GPRIN3: variants seen among roughly 807,000 people sequenced by gnomAD.
GPRIN3 encodes the protein G protein-regulated inducer of neurite outgrowth 3.
Under a neutral mutation model 13.7 loss-of-function variants are expected in GPRIN3, and 12 were observed. The ratio of observed to expected loss-of-function variants is 0.87; its 90% CI spans 0.56 to 1.42. The LOEUF is 1.42. Ranked by LOEUF, GPRIN3 falls within the 40% of genes most tolerant of loss-of-function variation. GPRIN3 has a pLI of 0.00. For missense variants in GPRIN3, 1,009 were observed against 958.7 expected (o/e 1.05, Z -0.69); for synonymous variants, 377 against 372.7 (o/e 1.01, Z -0.13).
chr4:89,267,221 G>C (rs547270137), intron 1 of GPRIN3, among the ~76,000 whole-genome samples: 11 of 152,244 alleles, frequency 7.2e-5, no homozygotes, highest in Admixed American at 6.5e-4. Context: ...TATAATCCTT[G>C]TTAAAACTTC....
At chr4:89,253,872 G>T (rs1032875453) in intron 1 of GPRIN3, among the ~76,000 whole-genome samples, 122 of 152,246 alleles carry the variant, frequency 8.0e-4, no homozygotes, top group African/African-American at 2.8e-3. Context: ...GAGCCCAGAA[G>T]AGACTCGCCG....
chr4:89,276,924 A>G (rs990703635), intron 1 of GPRIN3, among the ~76,000 whole-genome samples: 3 of 152,246 alleles, frequency 2.0e-5, no homozygotes, highest in Non-Finnish European at 2.9e-5. Flanking sequence ...CAATGAAATG[A>G]AAGCTCATAA....
At chr4:89,288,836 C>T (rs1724495007) in intron 1 of GPRIN3, among the ~76,000 whole-genome samples, 1 of 152,162 alleles carries the variant, frequency 6.6e-6, no homozygotes, top group Admixed American at 6.5e-5. Context: ...ATAGCTCCTC[C>T]TGTGTATAAG....
intron 1 of GPRIN3, among the ~76,000 whole-genome samples, chr4:89,290,793 G>A (rs1380357725): frequency 1.3e-5 from 2 of 152,100 alleles, no homozygotes; most frequent in African/African-American, 2.4e-5. Flanking sequence ...AACAATATTG[G>A]AATAAATAAT....
intron 1 of GPRIN3, among the ~76,000 whole-genome samples, chr4:89,288,960 C>T (rs900501324): frequency 4.6e-5 from 7 of 152,052 alleles, no homozygotes; most frequent in African/African-American, 1.7e-4. Flanking sequence ...CTACCTTGCA[C>T]TCACGGCATC....
chr4:89,260,500 C>T (rs750267059), intron 1 of GPRIN3, among the ~76,000 whole-genome samples: 9 of 152,108 alleles, frequency 5.9e-5, no homozygotes, highest in Non-Finnish European at 8.8e-5. Context: ...TTAGGCATCG[C>T]GAGTACATAA....
Position 89,250,022 on chromosome 4 carries a change from G to A in GPRIN3, c.89C>T (p.Ala30Val), listed in dbSNP as rs765187485. Residue 30 changes from alanine (A) to valine (V), a missense_variant, in exon 2 of 2, where the codon GCT becomes GTT. By Grantham distance (64) the Ala-to-Val change is moderately conservative. Coordinates refer to ENST00000609438, the MANE Select transcript of GPRIN3 (RefSeq NM_198281.3). The stretch of plus-strand genomic sequence containing the variant: ...AGCTGGTCGATGCCGAGGTGAGGCA[G>A]CCTGTGGCTCTCCTAGATCGTCTTC... ...GKEDDLGEPQ[A>V]ASPRHRPALL... 1 of 1,614,198 alleles carries A rather than the reference G, an allele frequency of 6.2e-7. No homozygotes were observed. Among genetic ancestry groups the A allele is most frequent in the Non-Finnish European group, 8.5e-7 (1 of 1,179,998 alleles).
In GPRIN3 at chr4:89,276,667, G is replaced by A. The variant is rs114440356; in HGVS notation, c.-123-26434C>T. Among the ~76,000 whole-genome samples the A allele has an allele frequency of 7.2e-3, 1,092 of 152,346 alleles. 11 individuals carry two copies. The highest frequency in any genetic ancestry group is 0.022 in the African/African-American group (933 of 41,588). On this transcript the variant is annotated intron_variant, in intron 1 of 1. Coordinates refer to ENST00000609438, the MANE Select transcript of GPRIN3 (RefSeq NM_198281.3). ...AAACCATTAAGAAATGAAGGAAGAA[G>A]CTAGAGACTATTATTCTTGTCAGGC...
At position 89,248,339 on chromosome 4, in the gene GPRIN3, C is replaced by T. The variant is rs374260930; in HGVS notation, c.1772G>A (p.Ser591Asn). Residue 591 changes from serine (S) to asparagine (N), a missense_variant, in exon 2 of 2, where the codon AGC (serine) becomes AAC (asparagine). Physicochemically the swap from Ser to Asn is conservative, Grantham distance 46. Transcript: ENST00000609438. Reference sequence around the variant, plus strand: ...GGTCTGTCTGTTTTCTTCTAAGGTGCTCTCCTGGTTCTTCCTAATTGGGGA... The same window carrying T: ...GGTCTGTCTGTTTTCTTCTAAGGTGTTCTCCTGGTTCTTCCTAATTGGGGA... ...TPSPIRKNQE[S>N]TLEENRQTKT... 6.2e-6 allele frequency: 10 copies of T among 1,614,138 alleles called. No individual in the cohort carries two copies. The highest frequency in any genetic ancestry group is 2.2e-5 in the East Asian group (1 of 44,876).
chr4:89,263,902 A>G (rs184107748), intron 1 of GPRIN3, among the ~76,000 whole-genome samples: 4 of 152,344 alleles, frequency 2.6e-5, no homozygotes, highest in Admixed American at 2.6e-4. Context: ...CAGAATGGGA[A>G]ATAAACATGA....
At position 89,249,737 on chromosome 4, in the gene GPRIN3, G is replaced by A. The variant is rs1421142900; in HGVS notation, c.374C>T (p.Pro125Leu). Residue 125 changes from proline (P) to leucine (L), a missense_variant, in exon 2 of 2, where the codon CCA becomes CTA. Pro to Leu is a moderately conservative substitution (Grantham distance 98). Transcript: ENST00000609438. The part of the protein sequence containing the change: ...SAAGRDLIHT[P>L]LTMPANQHTC... Reference sequence around the variant, plus strand: ...GTGCTGATTGGCGGGCATTGTCAATGGTGTGTGTATAAGATCCCTTCCTGC... The same window carrying A: ...GTGCTGATTGGCGGGCATTGTCAATAGTGTGTGTATAAGATCCCTTCCTGC... 1 of 1,614,192 alleles carries A rather than the reference G, an allele frequency of 6.2e-7. No homozygotes were observed. The highest frequency in any genetic ancestry group is 1.7e-5 in the Admixed American group (1 of 60,030).
rs1462052976 is a variant in GPRIN3, at chr4:89,270,588, T to TAA, written c.-123-20356_-123-20355insTT. ...ATTTATATATATATATATATATATA[T>TAA]ATATATATATATAAAATATAGATAT... On this transcript the variant is annotated intron_variant, in intron 1 of 1. Coordinates refer to ENST00000609438, the MANE Select transcript of GPRIN3 (RefSeq NM_198281.3). 1.6e-3 allele frequency among the ~76,000 whole-genome samples: 207 copies of TAA among 129,598 alleles called. 2 individuals carry two copies. The highest frequency in any genetic ancestry group is 6.3e-3 in the African/African-American group (199 of 31,384). The allele number at this position is 129,598 out of a possible 152,430, so 85.0% of individuals were successfully genotyped here.
Position 89,247,910 on chromosome 4 carries a change from G to T in GPRIN3, c.2201C>A (p.Ser734Tyr), listed in dbSNP as rs1561174618. 1 of 1,614,190 alleles carries T rather than the reference G, an allele frequency of 6.2e-7. No homozygotes were observed. Among genetic ancestry groups the T allele is most frequent in the East Asian group, 2.2e-5 (1 of 44,886 alleles). ...ATTTGAAGAAGTATCTGAGGAAATG[G>T]ATCTCCGGGTCTGGCTATTTTGAGT... ...IKTQNSQTRRSISSDTSSNKK... is the reference protein window; with the variant it reads ...IKTQNSQTRRYISSDTSSNKK... Residue 734 changes from serine (S) to tyrosine (Y), a missense_variant, in exon 2 of 2, where the codon TCC (serine) becomes TAC (tyrosine). Coordinates refer to ENST00000609438, the MANE Select transcript of GPRIN3 (RefSeq NM_198281.3).
intron 1 of GPRIN3, among the ~76,000 whole-genome samples, chr4:89,272,003 G>C (rs1561207272): frequency 6.6e-6 from 1 of 152,182 alleles, no homozygotes; most frequent in Non-Finnish European, 1.5e-5. Flanking sequence ...TCCTTCCCAT[G>C]TGAGGTTGTG....
chr4:89,288,211 GA>G (rs1724475315), intron 1 of GPRIN3, among the ~76,000 whole-genome samples: 1 of 152,150 alleles, frequency 6.6e-6, no homozygotes, highest in Admixed American at 6.5e-5. Flanking sequence ...GCCGATTTGA[GA>G]AAAGACATGT....
At chr4:89,274,512 T>C (rs925193798) in intron 1 of GPRIN3, among the ~76,000 whole-genome samples, 1 of 152,188 alleles carries the variant, frequency 6.6e-6, no homozygotes, top group African/African-American at 2.4e-5. Context: ...AAAAGGGTAA[T>C]TATTTGATAG....
At chr4:89,296,179 G>A (rs1406020980) in intron 1 of GPRIN3, among the ~76,000 whole-genome samples, 2 of 152,156 alleles carry the variant, frequency 1.3e-5, no homozygotes, top group East Asian at 3.9e-4. Flanking sequence ...ATGACATGAG[G>A]TGGTAAAGAC....
chr4:89,259,870 ATCAGACACCACCAAG>A (rs1418532839), intron 1 of GPRIN3, among the ~76,000 whole-genome samples: 2 of 152,212 alleles, frequency 1.3e-5, no homozygotes, highest in Admixed American at 1.3e-4. Context: ...TTTAGCTCAC[ATCAGACACCACCAAG>A]TCAGACACCA....
At chr4:89,264,321 TC>T (rs1194928690) in intron 1 of GPRIN3, among the ~76,000 whole-genome samples, 1 of 152,170 alleles carries the variant, frequency 6.6e-6, no homozygotes, top group Non-Finnish European at 1.5e-5. Flanking sequence ...ACACCCTGGC[TC>T]CCTTTTGCCT....
Sources: gnomAD v4.1 joint callset for allele counts (sites outside exome capture counted in the v4.1 genomes callset) on GRCh38, gnomAD v4.1.1 for gene constraint, MANE v1.5 for transcripts, NCBI Gene and HGNC (gene_info 2026-07-23, HGNC 2026-07-21) for gene names.